The following MROH6 variants were observed in gnomAD, a reference collection of about 807,000 sequenced individuals.
MROH6 encodes maestro heat like repeat family member 6, also known as maestro heat-like repeat-containing protein family member 6.
Under a neutral mutation model 67.7 loss-of-function variants are expected in MROH6, and 62 were observed. That is an observed-to-expected ratio of 0.92 (90% CI 0.75 to 1.13). The LOEUF (loss-of-function observed/expected upper bound fraction) is 1.13, where lower values mean the gene tolerates loss of function less well. MROH6 is among the 50% of genes most tolerant of loss of function. MROH6 has a pLI of 0.00. For missense variants in MROH6, 1,175 were observed against 1,029.1 expected, an observed-to-expected ratio of 1.14 and a Z score of -1.94; for synonymous variants, 566 against 470.8, an observed-to-expected ratio of 1.20 and a Z score of -2.62.
In MROH6 at chr8:143,566,701, T is replaced by C. The variant is rs1480000806; in HGVS notation, c.*538A>G. ...GCCTGACATAATGAACAGGGGGTGA[T>C]GATGGCCTGGCTGAGAGGGCACAGC... On this transcript the variant is annotated 3_prime_UTR_variant, in exon 14 of 14. Coordinates refer to ENST00000398882, the MANE Select transcript of MROH6 (RefSeq NM_001100878.2). 3 of 152,140 alleles carry C rather than the reference T, an allele frequency of 2.0e-5. No homozygotes were observed. Among genetic ancestry groups the C allele is most frequent in the South Asian group, 2.1e-4 (1 of 4,830 alleles). 9.4% of individuals were successfully genotyped at this position (152,140 alleles called of 1,614,324 possible).
chr8:143,567,298 GGCTGTCGGCGAA>G lies in MROH6; in HGVS notation c.2089_2100del (p.Phe697_Ser700del). The G allele has an allele frequency of 8.2e-7, 1 of 1,221,866 alleles. No individual in the cohort carries two copies. The highest frequency in any genetic ancestry group is 1.0e-6 in the Non-Finnish European group (1 of 981,508). The allele number at this position is 1,221,866 out of a possible 1,614,324, so 75.7% of individuals were successfully genotyped here. A position where few individuals can be genotyped will look rare whatever the true frequency, so the allele number is the denominator to read the frequency against. ...CCCGCGACGCTCCGGCGCTGGAAGGGGCTGTCGGCGAAGACTGGTGGGGGCCGGGCGGGGCGC... is the reference window on the plus strand; with the variant it reads ...CCCGCGACGCTCCGGCGCTGGAAGGGGACTGGTGGGGGCCGGGCGGGGCGC... On this transcript the variant is annotated inframe_deletion, in exon 14 of 14. Coordinates refer to ENST00000398882, the MANE Select transcript of MROH6 (RefSeq NM_001100878.2).
intron 5 of MROH6, 45 bp from the exon 6 acceptor site, chr8:143,570,425 G>GGCAGTGGGA (rs200070927): frequency 0.17 from 274,247 of 1,605,390 alleles, 25,825 homozygotes; most frequent in South Asian, 0.32. Context: ...GAGCTGAGAG[G>GGCAGTGGGA]GTGACAGCAT....
intron 9 of MROH6, 176 bp from the exon 10 acceptor site, chr8:143,568,895 C>T: frequency 1.9e-6 from 1 of 534,652 alleles, no homozygotes; most frequent in East Asian, 3.3e-5. Context: ...CCTGGAGAGC[C>T]CCTGCAGGGG....
chr8:143,571,595 C>T, intron 3 of MROH6, 72 bp downstream of exon 3: 1 of 1,537,234 alleles, frequency 6.5e-7, no homozygotes, highest in Non-Finnish European at 8.8e-7. Flanking sequence ...CTTCTGGGGC[C>T]AGACTCCACC....
chr8:143,570,842 G>A (rs772156715), intron 4 of MROH6, 35 bp downstream of exon 4: 30 of 422,980 alleles, frequency 7.1e-5, no homozygotes, highest in South Asian at 4.1e-4. Flanking sequence ...CCCCACCCCC[G>A]CCCCCACCCC....
intron 4 of MROH6, 101 bp downstream of exon 4, chr8:143,570,776 G>C: frequency 7.1e-7 from 1 of 1,412,982 alleles, no homozygotes; most frequent in South Asian, 1.3e-5. Flanking sequence ...GGACATTCCA[G>C]GAGCAGTTAC....
Position 143,569,440 on chromosome 8 carries a change from C to G in MROH6, c.1476+1G>C. On this transcript the variant is annotated splice_donor_variant, in intron 9 of 13. Coordinates refer to ENST00000398882, the MANE Select transcript of MROH6 (RefSeq NM_001100878.2). LOFTEE classifies it high-confidence loss of function. ...GACCCGGAGGCGGGGCGTTTGCTCA[C>G]GTCGTCCAGTAGCGGAGGGAGGCGC... The G allele has an allele frequency of 6.9e-7, 1 of 1,442,290 alleles. No homozygotes were observed. Among genetic ancestry groups the G allele is most frequent in the Non-Finnish European group, 9.0e-7 (1 of 1,108,424 alleles). The allele number at this position is 1,442,290 out of a possible 1,614,324, so 89.3% of individuals were successfully genotyped here.
rs780144918 is a variant in MROH6 at position 143,570,624 on chromosome 8, A to G, written c.754T>C (p.Ser252Pro). The G allele has an allele frequency of 1.3e-6, 2 of 1,599,620 alleles. No individual in the cohort carries two copies. The highest frequency in any genetic ancestry group is 1.7e-6 in the Non-Finnish European group (2 of 1,179,460). Residue 252 changes from serine (S) to proline (P), a missense_variant, in exon 5 of 14, where the codon TCG (serine) becomes CCG (proline). By Grantham distance (74) the Ser-to-Pro change is moderately conservative. Coordinates refer to ENST00000398882, the MANE Select transcript of MROH6 (RefSeq NM_001100878.2). The stretch of plus-strand genomic sequence containing the variant: ...CCCCTCGTGGCTCCCACGCAGCCCG[A>G]AACAGCCAGCATCTCCCCAAGAGCA... ...TRALGEMLAV[S>P]GCVGATRGFY...
chr8:143,568,535 T>C lies in MROH6; in HGVS notation c.1644+17A>G. 2.0e-6 allele frequency: 3 copies of C among 1,511,016 alleles called. No homozygotes were observed. The highest frequency in any genetic ancestry group is 2.6e-6 in the Non-Finnish European group (3 of 1,133,350). The allele number at this position is 1,511,016 out of a possible 1,614,324, so 93.6% of individuals were successfully genotyped here. A position where few individuals can be genotyped will look rare whatever the true frequency, so the allele number is the denominator to read the frequency against. On this transcript the variant is annotated intron_variant, in intron 10 of 13. Transcript: ENST00000398882. ...GTTGGATGGCATAGGGGTGGGATGG[T>C]GTCGGGGGCTGCTGACCTCAGCAGC...
rs1405171036 is a variant in MROH6, at chr8:143,567,188, C to T, written c.*51G>A. The T allele has an allele frequency of 1.4e-5, 15 of 1,060,230 alleles. No homozygotes were observed. Among genetic ancestry groups the T allele is most frequent in the South Asian group, 9.5e-5 (2 of 21,040 alleles). 65.7% of individuals were successfully genotyped at this position (1,060,230 alleles called of 1,614,324 possible). On this transcript the variant is annotated 3_prime_UTR_variant, in exon 14 of 14. Transcript: ENST00000398882. Reference sequence around the variant, plus strand: ...GTCAGGGCGGGGACAGGCTGCTATGCGCGTGGGGTGCCCGAGTCGGACCCT... The same window carrying T: ...GTCAGGGCGGGGACAGGCTGCTATGTGCGTGGGGTGCCCGAGTCGGACCCT...
At position 143,572,695 on chromosome 8, in the gene MROH6, C is replaced by A; in HGVS notation, c.20G>T (p.Gly7Val). Residue 7 changes from glycine (G) to valine (V), a missense_variant, in exon 1 of 14, where the codon GGC (glycine) becomes GTC (valine). Coordinates refer to ENST00000398882, the MANE Select transcript of MROH6 (RefSeq NM_001100878.2). MAGGVW[G>V]RSRAREAPVG... ...GGGAGCCTCCCGGGCCCGGCTCCGG[C>A]CCCACACACCCCCAGCCATGGCGGC... 6.7e-7 allele frequency: 1 copy of A among 1,497,534 alleles called. No individual in the cohort carries two copies. The highest frequency in any genetic ancestry group is 2.4e-5 in the East Asian group (1 of 41,120). 92.8% of individuals were successfully genotyped at this position (1,497,534 alleles called of 1,614,324 possible).
chr8:143,570,403 G>T, intron 5 of MROH6, 23 bp from the exon 6 acceptor site: 1 of 1,601,058 alleles, frequency 6.2e-7, no homozygotes. Flanking sequence ...ACAGTGAGCA[G>T]GTGGGCAGTG....
chr8:143,569,398 G>C, intron 9 of MROH6, 43 bp downstream of exon 9: 1 of 1,346,732 alleles, frequency 7.4e-7, no homozygotes, highest in East Asian at 3.2e-5. Context: ...CGGGGGCGGT[G>C]ACAGCGGCAG....
In MROH6 at chr8:143,571,001, G is replaced by A. The variant is rs945041038; in HGVS notation, c.603-7C>T. ...CCAGAGCTCGGCTGCTACCCTGAGG[G>A]TTTGGAGGGGGCTGGTGTGAGACAA... On this transcript the variant is annotated splice_polypyrimidine_tract_variant and splice_region_variant and intron_variant, in intron 3 of 13. Coordinates refer to ENST00000398882, the MANE Select transcript of MROH6 (RefSeq NM_001100878.2). 12 of 1,548,270 alleles carry A rather than the reference G, an allele frequency of 7.8e-6. No homozygotes were observed. Among genetic ancestry groups the A allele is most frequent in the East Asian group, 4.9e-5 (2 of 40,922 alleles).
At position 143,568,633 on chromosome 8, in the gene MROH6, G is replaced by T; in HGVS notation, c.1563C>A (p.Arg521=). The change falls in exon 10 of 14, where the codon CGC becomes CGA. Residue 521 remains arginine, a synonymous_variant. Transcript: ENST00000398882. The part of the protein sequence containing the change: ...RGRGGLRLGL[R]GPLRKLVLQS... ...GCAGCACCAGCTTCCGCAGGGGGCCGCGGAGCCCCAGCCGGAGCCCGCCCC... is the reference window on the plus strand; with the variant it reads ...GCAGCACCAGCTTCCGCAGGGGGCCTCGGAGCCCCAGCCGGAGCCCGCCCC... 8 of 1,537,634 alleles carry T rather than the reference G, an allele frequency of 5.2e-6. No individual in the cohort carries two copies. The highest frequency in any genetic ancestry group is 1.4e-5 in the African/African-American group (1 of 73,180).
intron 3 of MROH6, among the ~76,000 whole-genome samples, chr8:143,571,229 C>G (rs959178557): frequency 7.2e-5 from 11 of 152,202 alleles, no homozygotes; most frequent in African/African-American, 2.4e-4. Flanking sequence ...CACTGGGAGT[C>G]CCGTTGGGTC....
chr8:143,569,790 C>T lies in MROH6; in HGVS notation c.1209G>A (p.Leu403=), dbSNP rs1823893143. 1.2e-6 allele frequency: 2 copies of T among 1,612,378 alleles called. No homozygotes were observed. The highest frequency in any genetic ancestry group is 1.7e-6 in the Non-Finnish European group (2 of 1,179,560). The stretch of plus-strand genomic sequence containing the variant: ...CTCCCTGCCAGGTGAGGAGTCGCTC[C>T]AGGATGACCTCCTCCCGCAGGAGCC... ...TARLLREEVI[L]ERLLTWQGDP... Residue 403 remains leucine (L), a synonymous_variant, in exon 8 of 14, where the codon CTG becomes CTA. Transcript: ENST00000398882.
At chr8:143,569,915 G>A (rs1563917934) in intron 7 of MROH6, 36 bp downstream of exon 7, 2 of 1,611,734 alleles carry the variant, frequency 1.2e-6, no homozygotes. Flanking sequence ...CAAGTCCAGG[G>A]TCACCCTTCA....
Position 143,572,460 on chromosome 8 carries a change from G to C in MROH6, c.255C>G (p.Leu85=). Residue 85 remains leucine (L), a synonymous_variant, in exon 1 of 14, where the codon CTC becomes CTG. Coordinates refer to ENST00000398882, the MANE Select transcript of MROH6 (RefSeq NM_001100878.2). The stretch of plus-strand genomic sequence containing the variant: ...CAGGGGCTGGTTCCAGGGCACTGTT[G>C]AGGGAGCAGGGCTCGCTGCCAGCTT... ...VPEAGSEPCS[L]NSALEPAPEG... 6.3e-7 allele frequency: 1 copy of C among 1,599,162 alleles called. No homozygotes were observed. The highest frequency in any genetic ancestry group is 1.3e-5 in the African/African-American group (1 of 74,942).
Sources: allele counts gnomAD v4.1 joint callset (sites outside exome capture counted in the v4.1 genomes callset), GRCh38; gene constraint gnomAD v4.1.1; transcripts MANE v1.5; gene names NCBI Gene and HGNC (gene_info 2026-07-23, HGNC 2026-07-21).